The following SGMS1 variants were observed in gnomAD, a reference collection of about 807,000 sequenced individuals.
The protein encoded by SGMS1 is phosphatidylcholine:ceramide cholinephosphotransferase 1.
In SGMS1, 13 loss-of-function variants were observed where a neutral mutation model predicts 46.2. The observed-to-expected ratio is 0.28, with a 90% confidence interval of 0.18 to 0.45. SGMS1 has a LOEUF of 0.45. Ranked by LOEUF, SGMS1 falls within the 20% of genes least tolerant of loss-of-function variation. The pLI, the probability that SGMS1 is intolerant of heterozygous loss-of-function variation, is 1.00. For synonymous variants in SGMS1, 203 were observed against 187.8 expected (o/e 1.08, Z -0.66); for missense variants, 324 against 519.9 (o/e 0.62, Z 3.66).
At chr10:50,367,686 T>A (rs1848368790) in intron 6 of SGMS1, among the ~76,000 whole-genome samples, 7 of 152,234 alleles carry the variant, frequency 4.6e-5, no homozygotes. Flanking sequence ...TGAAAACAAA[T>A]ATCCATCAAT....
At position 50,307,203 on chromosome 10, in the gene SGMS1, G is replaced by A; in HGVS notation, c.1181C>T (p.Pro394Leu). 6.2e-7 allele frequency: 1 copy of A among 1,614,028 alleles called. No individual in the cohort carries two copies. The highest frequency in any genetic ancestry group is 8.5e-7 in the Non-Finnish European group (1 of 1,179,960). Residue 394 changes from proline to leucine, a missense_variant, in exon 11 of 11, where the codon CCC becomes CTC. By Grantham distance (98) the Pro-to-Leu change is moderately conservative. Coordinates refer to ENST00000361781, the MANE Select transcript of SGMS1 (RefSeq NM_147156.4). The surrounding 1 kb of genome is among the most constrained non-coding windows in gnomAD (Gnocchi z 4.2). ...CCTACTGAGGTGGACTACTGGCCAG[G>A]GGAAAGGCCAATGGTAAGATCGAGG... The part of the protein sequence containing the change: ...IVPRSYHWPF[P>L]WPVVHLSRQV...
At chr10:50,575,712 C>T (rs1838378485) in intron 2 of SGMS1, among the ~76,000 whole-genome samples, 1 of 151,740 alleles carries the variant, frequency 6.6e-6, no homozygotes, top group Admixed American at 6.6e-5. Flanking sequence ...TACATATGTC[C>T]AAACTCATCA....
intron 6 of SGMS1, among the ~76,000 whole-genome samples, chr10:50,371,808 C>T (rs2574981): frequency 0.35 from 52,459 of 152,018 alleles, 9,243 homozygotes; most frequent in South Asian, 0.4. Flanking sequence ...AGTGAGGGCC[C>T]TCTTGCTACG....
At chr10:50,378,659 T>G (rs1186399752) in intron 6 of SGMS1, among the ~76,000 whole-genome samples, 1 of 152,208 alleles carries the variant, frequency 6.6e-6, no homozygotes, top group East Asian at 1.9e-4. Flanking sequence ...TGGATTAGTA[T>G]AGCACTTAGC....
intron 8 of SGMS1, among the ~76,000 whole-genome samples, chr10:50,317,898 G>C (rs1253366945): frequency 2.0e-5 from 3 of 151,238 alleles, no homozygotes; most frequent in Non-Finnish European, 4.4e-5. Context: ...CCACCTCCTG[G>C]GTTCAAGCAA....
intron 1 of SGMS1, among the ~76,000 whole-genome samples, chr10:50,603,857 C>T (rs1391582776): frequency 6.6e-6 from 1 of 152,098 alleles, no homozygotes; most frequent in East Asian, 1.9e-4. Flanking sequence ...GACAGAGGGG[C>T]AGGACAAGCT....
intron 2 of SGMS1, among the ~76,000 whole-genome samples, chr10:50,522,495 T>G (rs56323928): frequency 0.028 from 4,261 of 152,260 alleles, 79 homozygotes; most frequent in Non-Finnish European, 0.045. Context: ...ATTATTATTT[T>G]GAATATGAGT....
chr10:50,429,203 A>G (rs1849367883), intron 6 of SGMS1, among the ~76,000 whole-genome samples: 2 of 152,228 alleles, frequency 1.3e-5, no homozygotes, highest in African/African-American at 2.4e-5. Context: ...CATGCACTGC[A>G]TAACAATGTT....
At position 50,495,073 on chromosome 10, in the gene SGMS1, CA is replaced by C. The variant is rs35208238; in HGVS notation, c.-498+24757del. Among the ~76,000 whole-genome samples the C allele has an allele frequency of 1.6e-3, 142 of 87,142 alleles. 2 individuals are homozygous for C. The highest frequency in any genetic ancestry group is 5.9e-3 in the East Asian group (19 of 3,206). 57.2% of individuals were successfully genotyped at this position (87,142 alleles called of 152,430 possible). A position where few individuals can be genotyped will look rare whatever the true frequency, so the allele number is the denominator to read the frequency against. On this transcript the variant is annotated intron_variant, in intron 3 of 10. Coordinates refer to ENST00000361781, the MANE Select transcript of SGMS1 (RefSeq NM_147156.4). ...AAAATAAAAAAAAATACAAAAAATA[CA>C]AAAAAAAAAAAAAATTAGCCGGACG...
At chr10:50,528,249 TA>T (rs1455330411) in intron 2 of SGMS1, among the ~76,000 whole-genome samples, 2 of 152,182 alleles carry the variant, frequency 1.3e-5, no homozygotes, top group Non-Finnish European at 2.9e-5. Flanking sequence ...TGCTAGAGAA[TA>T]AAAAATTCTT....
At chr10:50,611,312 G>A (rs899115698) in intron 1 of SGMS1, among the ~76,000 whole-genome samples, 4 of 152,160 alleles carry the variant, frequency 2.6e-5, no homozygotes, top group Admixed American at 6.5e-5. Context: ...GTACTACTGT[G>A]GACACACGCC....
At chr10:50,573,577 G>A (rs1838354155) in intron 2 of SGMS1, among the ~76,000 whole-genome samples, 1 of 152,166 alleles carries the variant, frequency 6.6e-6, no homozygotes, top group South Asian at 2.1e-4. Context: ...TTGCTAAAAT[G>A]TCTATACTAC....
intron 1 of SGMS1, among the ~76,000 whole-genome samples, chr10:50,592,160 C>T (rs923829659): frequency 3.9e-5 from 6 of 152,072 alleles, no homozygotes; most frequent in Admixed American, 3.9e-4. Flanking sequence ...GGAATACTCA[C>T]TAAGAAGTTA....
chr10:50,587,373 G>C (rs1391512449), intron 2 of SGMS1, among the ~76,000 whole-genome samples: 1 of 152,214 alleles, frequency 6.6e-6, no homozygotes, highest in Non-Finnish European at 1.5e-5. Flanking sequence ...GGCAGCTCAC[G>C]CCTATAATTC....
At chr10:50,318,262 G>A (rs1847380489) in intron 8 of SGMS1, among the ~76,000 whole-genome samples, 1 of 152,152 alleles carries the variant, frequency 6.6e-6, no homozygotes, top group African/African-American at 2.4e-5. Context: ...ACAACAATGA[G>A]CATGAATCCA....
intron 5 of SGMS1, among the ~76,000 whole-genome samples, chr10:50,438,276 T>G (rs1393854185): frequency 6.6e-6 from 1 of 152,220 alleles, no homozygotes; most frequent in African/African-American, 2.4e-5. Context: ...AATGACAGGA[T>G]GTATGTGGGT....
chr10:50,470,180 A>G (rs1237975238), intron 3 of SGMS1, among the ~76,000 whole-genome samples: 2 of 152,150 alleles, frequency 1.3e-5, no homozygotes, highest in African/African-American at 4.8e-5. Flanking sequence ...ATGGTGTGTA[A>G]TAAGAAATAA....
intron 2 of SGMS1, among the ~76,000 whole-genome samples, chr10:50,529,611 G>T (rs1220979305): frequency 6.6e-6 from 1 of 152,118 alleles, no homozygotes; most frequent in African/African-American, 2.4e-5. Flanking sequence ...GGTGAAAAAT[G>T]CCTCCCTATT....
intron 2 of SGMS1, among the ~76,000 whole-genome samples, chr10:50,520,600 C>T (rs1837849160): frequency 6.6e-6 from 1 of 152,158 alleles, no homozygotes; most frequent in Non-Finnish European, 1.5e-5. Flanking sequence ...AAATCAGTGC[C>T]CAGCTCTACC....
Sources: gnomAD v4.1 joint callset for allele counts (sites outside exome capture counted in the v4.1 genomes callset) on GRCh38, gnomAD v4.1.1 for gene constraint, Gnocchi (gnomAD v3.1) non-coding constraint, MANE v1.5 for transcripts, NCBI Gene and HGNC (gene_info 2026-07-23, HGNC 2026-07-21) for gene names.